The following ACACA variants were observed in gnomAD, a reference collection of about 807,000 sequenced individuals.
ACACA encodes acetyl-CoA carboxylase 1.
In ACACA, 103 loss-of-function variants were observed where a neutral mutation model predicts 296.1. The observed-to-expected ratio is 0.35, with a 90% CI of 0.30 to 0.41. The LOEUF (loss-of-function observed/expected upper bound fraction) is 0.41. ACACA is among the 10% of genes least tolerant of loss of function. The pLI is 1.00. For missense variants in ACACA, 1,554 were observed against 2,989.7 expected, an observed-to-expected ratio of 0.52 and a Z score of 11.20; for synonymous variants, 953 against 1,038.6, an observed-to-expected ratio of 0.92 and a Z score of 1.58.
At position 37,275,936 on chromosome 17, in the gene ACACA, G is replaced by T. The variant is rs146619733; in HGVS notation, c.901+15C>A. On this transcript the variant is annotated intron_variant, in intron 8 of 55. Transcript: ENST00000616317. ...ATTCTGTACTTCAAGATACAAACAA[G>T]AATTCAGTTCTTACCACTGCCGCTC... The T allele has an allele frequency of 1.9e-6, 3 of 1,605,234 alleles. No homozygotes were observed. Among genetic ancestry groups the T allele is most frequent in the African/African-American group, 1.3e-5 (1 of 74,868 alleles).
chr17:37,230,001 C>A (rs867088783), intron 25 of ACACA, among the ~76,000 whole-genome samples: 1 of 151,744 alleles, frequency 6.6e-6, no homozygotes, highest in African/African-American at 2.4e-5. Context: ...GTGGAGGTTG[C>A]AGTGAGCTGA....
intron 1 of ACACA, among the ~76,000 whole-genome samples, chr17:37,365,950 A>G (rs1258378096): frequency 6.6e-6 from 1 of 152,154 alleles, no homozygotes; most frequent in Non-Finnish European, 1.5e-5. Context: ...CCTCCAATAT[A>G]TATGTTTTTA....
chr17:37,253,773 T>C (rs369325484), intron 14 of ACACA, among the ~76,000 whole-genome samples: 225 of 152,304 alleles, frequency 1.5e-3, no homozygotes, highest in African/African-American at 5.2e-3. Flanking sequence ...ATAATTTACA[T>C]ACAATAAAAT....
chr17:37,359,166 G>T, intron 1 of ACACA: 1 of 847,568 alleles, frequency 1.2e-6, no homozygotes, highest in Non-Finnish European at 1.4e-6. Flanking sequence ...ACCCGCCCCC[G>T]CCCCGCCCCT....
At chr17:37,325,152 G>A in intron 3 of ACACA, among the ~76,000 whole-genome samples, 1 of 149,748 alleles carries the variant, frequency 6.7e-6, no homozygotes, top group East Asian at 2.0e-4. Flanking sequence ...AGTGAGCCAA[G>A]ATGGCGCCAC....
At chr17:37,378,062 C>A in intron 1 of ACACA, 1 of 1,125,492 alleles carries the variant, frequency 8.9e-7, no homozygotes, top group Non-Finnish European at 1.3e-6. Context: ...GCCCATATCT[C>A]AAATATCCTA....
intron 2 of ACACA, among the ~76,000 whole-genome samples, chr17:37,335,941 A>C (rs547824578): frequency 3.2e-4 from 49 of 152,202 alleles, no homozygotes; most frequent in Middle Eastern, 3.4e-3. Flanking sequence ...TCAAGGTCGA[A>C]TATAACGTAG....
At chr17:37,246,544 C>T (rs933323526) in intron 19 of ACACA, among the ~76,000 whole-genome samples, 1 of 152,028 alleles carries the variant, frequency 6.6e-6, no homozygotes, top group Admixed American at 6.6e-5. Context: ...GGGATCCTCC[C>T]GCCTTAGACA....
chr17:37,272,438 C>T (rs1430149100), intron 9 of ACACA, among the ~76,000 whole-genome samples: 1 of 152,124 alleles, frequency 6.6e-6, no homozygotes, highest in African/African-American at 2.4e-5. Context: ...ATCTTTTATG[C>T]ACAGTCTCAC....
At chr17:37,177,594 T>C (rs1289548181) in intron 41 of ACACA, among the ~76,000 whole-genome samples, 1 of 152,184 alleles carries the variant, frequency 6.6e-6, no homozygotes, top group Non-Finnish European at 1.5e-5. Flanking sequence ...TAAAACCATT[T>C]TGCTCTCAGC....
intron 3 of ACACA, among the ~76,000 whole-genome samples, chr17:37,324,623 T>TCGCAC (rs2047511357): frequency 6.7e-6 from 1 of 149,194 alleles, no homozygotes; most frequent in African/African-American, 2.5e-5. Flanking sequence ...TGAGCTGAGA[T>TCGCAC]CATGCCACTG....
At chr17:37,349,723 G>GT (rs776857484) in intron 1 of ACACA, among the ~76,000 whole-genome samples, 7 of 150,972 alleles carry the variant, frequency 4.6e-5, no homozygotes, top group Non-Finnish European at 8.9e-5. Context: ...CACCCAGCTA[G>GT]TTTTTTTGTA....
intron 10 of ACACA, among the ~76,000 whole-genome samples, chr17:37,269,937 A>G (rs2081994285): frequency 6.6e-6 from 1 of 152,094 alleles, no homozygotes; most frequent in Non-Finnish European, 1.5e-5. Flanking sequence ...TGGTAGGAGG[A>G]AAAAAAGTGA....
intron 1 of ACACA, among the ~76,000 whole-genome samples, chr17:37,362,634 C>T (rs2049444459): frequency 6.6e-6 from 1 of 152,172 alleles, no homozygotes; most frequent in Non-Finnish European, 1.5e-5. Flanking sequence ...TAGATTAGGG[C>T]ATCGTTTCTC....
intron 11 of ACACA, among the ~76,000 whole-genome samples, chr17:37,260,940 C>G (rs566516496): frequency 1.2e-3 from 183 of 151,908 alleles, no homozygotes; most frequent in Non-Finnish European, 2.1e-3. Context: ...GTATCCTAAT[C>G]GATACAGGAA....
intron 1 of ACACA, among the ~76,000 whole-genome samples, chr17:37,403,438 A>G (rs1380098642): frequency 7.2e-6 from 1 of 138,670 alleles, no homozygotes; most frequent in East Asian, 2.1e-4. Flanking sequence ...GTGGTGTGAT[A>G]CTGGGTCAAT....
chr17:37,305,919 T>G (rs1213737880), intron 3 of ACACA, among the ~76,000 whole-genome samples: 3 of 147,878 alleles, frequency 2.0e-5, no homozygotes, highest in South Asian at 2.2e-4. Context: ...TTTTTTTTTT[T>G]TTTTTTTGAG....
chr17:37,214,458 T>C (rs1679966301), intron 29 of ACACA, among the ~76,000 whole-genome samples: 1 of 152,216 alleles, frequency 6.6e-6, no homozygotes, highest in Admixed American at 6.5e-5. Flanking sequence ...AGCTACAGCA[T>C]ATTACTGTTG....
intron 54 of ACACA, among the ~76,000 whole-genome samples, chr17:37,095,985 C>T (rs1049877017): frequency 2.0e-5 from 3 of 152,246 alleles, no homozygotes; most frequent in Admixed American, 6.5e-5. Context: ...CTCTAGGTCA[C>T]GAGCCCTCTC....
Sources: gnomAD v4.1 joint callset for allele counts (sites outside exome capture counted in the v4.1 genomes callset) on GRCh38, gnomAD v4.1.1 for gene constraint, MANE v1.5 for transcripts, NCBI Gene and HGNC (gene_info 2026-07-23, HGNC 2026-07-21) for gene names.